The following BMPR1B variants were observed in gnomAD, a reference collection of about 807,000 sequenced individuals.
BMPR1B encodes bone morphogenetic protein receptor type 1B.
Under a neutral mutation model 59.1 loss-of-function variants are expected in BMPR1B, and 12 were observed. The observed-to-expected ratio is 0.20, with a 90% confidence interval of 0.13 to 0.33. The LOEUF (loss-of-function observed/expected upper bound fraction) is 0.33. Ranked by LOEUF, BMPR1B falls within the 10% of genes least tolerant of loss-of-function variation. The pLI, the probability that BMPR1B is intolerant of heterozygous loss-of-function variation, is 1.00. For missense variants in BMPR1B, 550 were observed against 610.9 expected (o/e 0.90, Z 1.05); for synonymous variants, 237 against 207.3 (o/e 1.14, Z -1.23).
Position 94,828,834 on chromosome 4 carries a change from A to G in BMPR1B, c.-182-46997A>G, listed in dbSNP as rs572014453. On this transcript the variant is annotated intron_variant, in intron 1 of 12. Coordinates refer to ENST00000515059, the MANE Select transcript of BMPR1B (RefSeq NM_001203.3). ...CCAGATGATTCTGATACATGTGAGA[A>G]CCACTGCACTAGGGTTTCCTGGAAC... is the stretch of plus-strand genomic sequence containing the variant. Among the ~76,000 whole-genome samples the G allele has an allele frequency of 3.9e-5, 6 of 152,264 alleles. No homozygotes were observed. In the East Asian group the frequency reaches 5.8e-4, roughly 15 times the overall value.
intron 3 of BMPR1B, among the ~76,000 whole-genome samples, chr4:95,038,260 C>T (rs1354058722): frequency 6.6e-6 from 1 of 152,062 alleles, no homozygotes; most frequent in East Asian, 1.9e-4. Flanking sequence ...AGAAAAAGAG[C>T]CCAGTGAGGT....
At chr4:94,997,220 G>A (rs1226460822) in intron 3 of BMPR1B, among the ~76,000 whole-genome samples, 1 of 152,120 alleles carries the variant, frequency 6.6e-6, no homozygotes, top group African/African-American at 2.4e-5. Flanking sequence ...GGTGATTATA[G>A]GTCCAAAGGG....
intron 11 of BMPR1B, among the ~76,000 whole-genome samples, chr4:95,151,917 G>A (rs1365974811): frequency 3.3e-5 from 5 of 152,022 alleles, no homozygotes; most frequent in African/African-American, 9.7e-5. Context: ...AAGGAGAAGA[G>A]GAAGAAGGTA....
intron 1 of BMPR1B, among the ~76,000 whole-genome samples, chr4:94,871,431 G>A (rs116132799): frequency 1.1e-3 from 174 of 152,174 alleles, no homozygotes; most frequent in African/African-American, 3.8e-3. Context: ...CTTCAAGATT[G>A]TTAATATGTT....
At chr4:94,779,090 T>G (rs1722493728) in intron 1 of BMPR1B, among the ~76,000 whole-genome samples, 1 of 152,140 alleles carries the variant, frequency 6.6e-6, no homozygotes, top group Non-Finnish European at 1.5e-5. Context: ...TTAAATCATC[T>G]TTGTCCACCC....
intron 10 of BMPR1B, among the ~76,000 whole-genome samples, chr4:95,148,310 T>G (rs1287704989): frequency 2.6e-5 from 4 of 152,186 alleles, no homozygotes; most frequent in Non-Finnish European, 5.9e-5. Flanking sequence ...TTTTTAGATA[T>G]TTAATATATA....
At chr4:95,116,419 G>GCACACACACACACACACACACA (rs1168592798) in intron 6 of BMPR1B, among the ~76,000 whole-genome samples, 3 of 51,100 alleles carry the variant, frequency 5.9e-5, no homozygotes, top group Non-Finnish European at 1.1e-4. Context: ...CTTTCAGCGC[G>GCACACACACACACACACACACA]CGCACACACA....
intron 4 of BMPR1B, among the ~76,000 whole-genome samples, chr4:95,108,162 A>G (rs1731328349): frequency 6.6e-6 from 1 of 152,116 alleles, no homozygotes; most frequent in Non-Finnish European, 1.5e-5. Flanking sequence ...TTCAACAGAC[A>G]TAAATTTGTT....
rs1724380218 is a variant in BMPR1B at position 95,026,127 on chromosome 4, TTTCTTTC to T, written c.-18+29996_-18+30002del. Among the ~76,000 whole-genome samples, 5 of 146,928 alleles carry T rather than the reference TTTCTTTC, an allele frequency of 3.4e-5. No individual in the cohort carries two copies. In the Admixed American group the frequency reaches 3.4e-4, roughly 10 times the overall value. ...CTTTCTTTCTTTCTTTCTTTCTTTC[TTTCTTTC>T]TTTCTTTCTTTCTTTCTTTCTTTCT... On this transcript the variant is annotated intron_variant, in intron 3 of 12. Transcript: ENST00000515059.
At chr4:95,139,931 T>C (rs1734098717) in intron 10 of BMPR1B, among the ~76,000 whole-genome samples, 1 of 152,176 alleles carries the variant, frequency 6.6e-6, no homozygotes, top group Admixed American at 6.5e-5. Flanking sequence ...CTGTGTGGGC[T>C]GCACCCACTG....
chr4:95,133,454 C>T (rs1157926119), intron 10 of BMPR1B, among the ~76,000 whole-genome samples: 1 of 152,226 alleles, frequency 6.6e-6, no homozygotes, highest in African/African-American at 2.4e-5. Context: ...GAAGACTTCA[C>T]ACTTCTCATA....
At chr4:94,822,297 T>G (rs1275979083) in intron 1 of BMPR1B, among the ~76,000 whole-genome samples, 1 of 152,116 alleles carries the variant, frequency 6.6e-6, no homozygotes, top group African/African-American at 2.4e-5. Context: ...CAACATGAAT[T>G]TTGGAGGAGA....
intron 3 of BMPR1B, chr4:94,996,381 A>G (rs1212818497): frequency 6.6e-6 from 1 of 152,198 alleles, no homozygotes; most frequent in Non-Finnish European, 1.5e-5. Flanking sequence ...ATTGTGTCCT[A>G]TCAGTAAGTT....
intron 2 of BMPR1B, among the ~76,000 whole-genome samples, chr4:94,909,209 AGTCTGGGAATATAATTAT>A (rs1324138061): frequency 1.3e-5 from 2 of 152,070 alleles, no homozygotes; most frequent in African/African-American, 4.8e-5. Flanking sequence ...TAATGAATTA[AGTCTGGGAATATAATTAT>A]GTCTGGGAAT....
chr4:94,977,965 A>G (rs925789001), intron 2 of BMPR1B, among the ~76,000 whole-genome samples: 12 of 152,180 alleles, frequency 7.9e-5, no homozygotes, highest in Non-Finnish European at 1.6e-4. Flanking sequence ...ACTATGGGCA[A>G]TGGTATGGCT....
chr4:94,891,702 C>T (rs1303744095), intron 2 of BMPR1B, among the ~76,000 whole-genome samples: 7 of 152,174 alleles, frequency 4.6e-5, no homozygotes, highest in Non-Finnish European at 2.9e-5. Context: ...GATTGTATGA[C>T]TCCTAGAACA....
chr4:94,822,877 T>TC (rs886531790), intron 1 of BMPR1B, among the ~76,000 whole-genome samples: 4 of 152,210 alleles, frequency 2.6e-5, no homozygotes, highest in Admixed American at 2.6e-4. Flanking sequence ...ATAGTGTTTT[T>TC]CCACACTGCA....
At chr4:94,901,488 G>C (rs1727807672) in intron 2 of BMPR1B, among the ~76,000 whole-genome samples, 2 of 151,956 alleles carry the variant, frequency 1.3e-5, no homozygotes, top group South Asian at 4.1e-4. Context: ...GCTGGCAGTT[G>C]AGTGTGGTGA....
rs139157561 is a variant in BMPR1B, at chr4:94,948,745, G to T, written c.-112-47295G>T. On this transcript the variant is annotated intron_variant, in intron 2 of 12. Transcript: ENST00000515059. ...AATTCCAGAATCTGGGTGGACAACA[G>T]AATCGCCTGGGTTATTTCTCTTTTT... 4.1e-3 allele frequency among the ~76,000 whole-genome samples: 629 copies of T among 152,230 alleles called. 3 individuals carry two copies. The highest frequency in any genetic ancestry group is 0.014 in the African/African-American group (597 of 41,542).
Sources: gnomAD v4.1 joint callset for allele counts (sites outside exome capture counted in the v4.1 genomes callset) on GRCh38, gnomAD v4.1.1 for gene constraint, MANE v1.5 for transcripts, NCBI Gene and HGNC (gene_info 2026-07-23, HGNC 2026-07-21) for gene names.